Variants in INTS4 observed in about 807,000 individuals in gnomAD.
The protein encoded by INTS4 is MSTP093.
In INTS4, 70 loss-of-function variants were observed where a neutral mutation model predicts 119.5. The observed-to-expected ratio is 0.59, with a 90% CI of 0.48 to 0.71. The LOEUF is 0.71. INTS4 is among the 30% of genes least tolerant of loss of function. INTS4 has a pLI of 0.00. For synonymous variants in INTS4, 316 were observed against 419.6 expected, an observed-to-expected ratio of 0.75 and a Z score of 3.02; for missense variants, 867 against 1,173.2, an observed-to-expected ratio of 0.74 and a Z score of 3.81.
intron 21 of INTS4, among the ~76,000 whole-genome samples, chr11:77,890,031 C>A (rs1204483015): frequency 6.6e-6 from 1 of 152,192 alleles, no homozygotes; most frequent in African/African-American, 2.4e-5. Flanking sequence ...TGTCCATAGG[C>A]CCTATTCTCA....
chr11:77,952,834 C>T (rs1197006255), intron 8 of INTS4, among the ~76,000 whole-genome samples: 1 of 152,082 alleles, frequency 6.6e-6, no homozygotes, highest in Non-Finnish European at 1.5e-5. Flanking sequence ...CTTTTTAAAA[C>T]TGCCTATTCA....
chr11:77,972,831 GT>G (rs36016105), intron 4 of INTS4, among the ~76,000 whole-genome samples: 68,556 of 141,414 alleles, frequency 0.48, 16,533 homozygotes, highest in African/African-American at 0.58. Flanking sequence ...TCTTTTGTGG[GT>G]TTTTTTTTTT....
At chr11:77,948,654 C>CAAA (rs138277574) in intron 8 of INTS4, among the ~76,000 whole-genome samples, 10 of 91,350 alleles carry the variant, frequency 1.1e-4, no homozygotes, top group South Asian at 3.9e-4. Context: ...CTCAAAGAAA[C>CAAA]AAAAAAAAAA....
intron 19 of INTS4, among the ~76,000 whole-genome samples, 192 bp from the exon 20 acceptor site, chr11:77,892,032 T>G (rs191350455): frequency 1.3e-5 from 2 of 152,336 alleles, no homozygotes; most frequent in Admixed American, 6.5e-5. Context: ...AGGCCTCTGT[T>G]TATTGATAAC....
At chr11:77,926,618 C>T (rs1319020433) in intron 11 of INTS4, among the ~76,000 whole-genome samples, 1 of 151,554 alleles carries the variant, frequency 6.6e-6, no homozygotes, top group Non-Finnish European at 1.5e-5. Context: ...ACCAGCCTGG[C>T]CAATATGGTG....
At chr11:77,972,089 T>C (rs1855755783) in intron 4 of INTS4, among the ~76,000 whole-genome samples, 1 of 152,104 alleles carries the variant, frequency 6.6e-6, no homozygotes, top group African/African-American at 2.4e-5. Context: ...CATGAGTTTA[T>C]TTCTTCTCCT....
intron 21 of INTS4, among the ~76,000 whole-genome samples, chr11:77,885,706 C>T (rs1951976173): frequency 6.6e-6 from 1 of 151,842 alleles, no homozygotes; most frequent in Non-Finnish European, 1.5e-5. Context: ...GTAGTCCCAG[C>T]TACTTGGGAG....
Position 77,963,317 on chromosome 11 carries a change from G to A in INTS4, c.472-2179C>T, listed in dbSNP as rs147458442. ...ATCAAGGTCATCATCATTAAGAACT[G>A]CTTTTCTGGCCGGGCGCAGAACGAG... On this transcript the variant is annotated intron_variant, in intron 4 of 22. Transcript: ENST00000534064. The A allele has an allele frequency of 3.1e-3, 1,075 of 342,156 alleles. 8 individuals carry two copies. Among genetic ancestry groups the A allele is most frequent in the Middle Eastern group, 0.012 (11 of 886 alleles). The allele number at this position is 342,156 out of a possible 1,614,324, so 21.2% of individuals were successfully genotyped here. A position where few individuals can be genotyped will look rare whatever the true frequency, so the allele number is the denominator to read the frequency against.
chr11:77,961,007 C>A lies in INTS4; in HGVS notation c.603G>T (p.Gly201=). The part of the protein sequence containing the change: ...LAARDVQKII[G]DYFSDQDPRV... ...GTGGGTCTTGGTCACTGAAGTAATC[C>A]CCTATAATCTTCTGGACATCTCTGG... Residue 201 remains glycine (G), a synonymous_variant, in exon 5 of 23, where the codon GGG becomes GGT. Coordinates refer to ENST00000534064, the MANE Select transcript of INTS4 (RefSeq NM_033547.4). The A allele has an allele frequency of 6.2e-7, 1 of 1,613,114 alleles. No homozygotes were observed. The highest frequency in any genetic ancestry group is 8.5e-7 in the Non-Finnish European group (1 of 1,179,584).
chr11:77,994,358 T>TA (rs1856814829), intron 1 of INTS4, among the ~76,000 whole-genome samples: 1 of 152,128 alleles, frequency 6.6e-6, no homozygotes, highest in African/African-American at 2.4e-5. Context: ...TTTCGTAAAT[T>TA]AAAAAACACT....
chr11:77,976,406 G>A (rs1013062065), intron 4 of INTS4, among the ~76,000 whole-genome samples: 10 of 152,268 alleles, frequency 6.6e-5, no homozygotes, highest in Middle Eastern at 3.4e-3. Context: ...GTCTAGGCCA[G>A]GCACTGTGGC....
At chr11:77,927,075 T>C (rs745484850) in intron 11 of INTS4, among the ~76,000 whole-genome samples, 6 of 152,026 alleles carry the variant, frequency 3.9e-5, no homozygotes, top group Non-Finnish European at 8.8e-5. Context: ...TGGGTTAAAG[T>C]GGCAGTTTTG....
intron 17 of INTS4, among the ~76,000 whole-genome samples, chr11:77,902,523 T>A (rs1325073349): frequency 2.0e-5 from 3 of 152,178 alleles, no homozygotes; most frequent in African/African-American, 7.2e-5. Flanking sequence ...TGGTCTCAAG[T>A]CCTGACTGTA....
At chr11:77,879,218 C>A in intron 22 of INTS4, 91 bp from the exon 23 acceptor site, 1 of 1,396,008 alleles carries the variant, frequency 7.2e-7, no homozygotes, top group Non-Finnish European at 9.8e-7. Context: ...AAAATGGAAG[C>A]AGTAGGGAGA....
At chr11:77,894,998 T>C (rs1952449657) in intron 18 of INTS4, among the ~76,000 whole-genome samples, 1 of 152,246 alleles carries the variant, frequency 6.6e-6, no homozygotes, top group South Asian at 2.1e-4. Context: ...CCTAAAAAGT[T>C]AACTAAATTC....
chr11:77,934,184 T>C (rs1370222867), intron 10 of INTS4, among the ~76,000 whole-genome samples: 4 of 151,910 alleles, frequency 2.6e-5, no homozygotes, highest in African/African-American at 7.3e-5. Flanking sequence ...AACAGATGCT[T>C]GAAGGCAGCA....
In INTS4 at chr11:77,984,829, T is replaced by C. The variant is rs1325784036; in HGVS notation, c.247-3253A>G. Among the ~76,000 whole-genome samples the C allele has an allele frequency of 2.4e-4, 34 of 139,824 alleles. No individual in the cohort carries two copies. The Admixed American group carries it at 2.6e-3, about 11-fold the overall frequency. The allele number at this position is 139,824 out of a possible 152,430, so 91.7% of individuals were successfully genotyped here. On this transcript the variant is annotated intron_variant, in intron 2 of 22. Coordinates refer to ENST00000534064, the MANE Select transcript of INTS4 (RefSeq NM_033547.4). ...AGGTGGAGGTTTCAGTGAACCATGA[T>C]AGCACCACTGCACTCCAGCCTGGAG...
At chr11:77,954,171 T>C (rs1410761515) in intron 8 of INTS4, among the ~76,000 whole-genome samples, 1 of 152,196 alleles carries the variant, frequency 6.6e-6, no homozygotes, top group Admixed American at 6.5e-5. Flanking sequence ...AGCTAAAAGA[T>C]GCAAGATCAG....
chr11:77,981,796 T>C (rs1185200834), intron 2 of INTS4, among the ~76,000 whole-genome samples: 1 of 151,886 alleles, frequency 6.6e-6, no homozygotes, highest in Non-Finnish European at 1.5e-5. Context: ...GGAGTTTTAA[T>C]CTGTTGCCCA....
Sources: allele counts gnomAD v4.1 joint callset (sites outside exome capture counted in the v4.1 genomes callset), GRCh38; gene constraint gnomAD v4.1.1; transcripts MANE v1.5; gene names NCBI Gene and HGNC (gene_info 2026-07-23, HGNC 2026-07-21).